The following CTNNA2 variants were observed in gnomAD, a reference collection of about 807,000 sequenced individuals.
CTNNA2 encodes catenin alpha 2.
A neutral mutation model predicts 101.0 loss-of-function variants in CTNNA2; 42 were observed. The ratio of observed to expected loss-of-function variants is 0.42; its 90% CI spans 0.32 to 0.54. CTNNA2 has a LOEUF of 0.54. Ranked by LOEUF, CTNNA2 falls within the 20% of genes least tolerant of loss-of-function variation. CTNNA2 has a pLI of 0.14. For synonymous variants in CTNNA2, 450 were observed against 456.4 expected, an observed-to-expected ratio of 0.99 and a Z score of 0.18; for missense variants, 871 against 1,223.1, an observed-to-expected ratio of 0.71 and a Z score of 4.29.
At chr2:80,544,094 C>T (rs1691823238) in intron 9 of CTNNA2, among the ~76,000 whole-genome samples, 1 of 152,090 alleles carries the variant, frequency 6.6e-6, no homozygotes, top group Non-Finnish European at 1.5e-5. Context: ...CAAGTTGACC[C>T]CCTTGACCTG....
chr2:79,374,231 T>C (rs1308221452), intron 4 of CTNNA2, among the ~76,000 whole-genome samples: 1 of 152,158 alleles, frequency 6.6e-6, no homozygotes, highest in East Asian at 1.9e-4. Flanking sequence ...GGAAGTCTAG[T>C]GCATAACAAT....
intron 9 of CTNNA2, among the ~76,000 whole-genome samples, chr2:80,450,038 C>A (rs1683375083): frequency 6.6e-6 from 1 of 152,160 alleles, no homozygotes; most frequent in Non-Finnish European, 1.5e-5. Flanking sequence ...CTCCTCTTCT[C>A]TTAATGCAAA....
intron 1 of CTNNA2, chr2:79,634,617 A>T (rs982938142): frequency 4.6e-5 from 7 of 152,260 alleles, no homozygotes; most frequent in African/African-American, 1.4e-4. Flanking sequence ...AGTCGAGGGA[A>T]GCATTATGTC....
At chr2:80,499,318 A>G (rs1029117456) in intron 9 of CTNNA2, among the ~76,000 whole-genome samples, 3 of 152,208 alleles carry the variant, frequency 2.0e-5, no homozygotes, top group African/African-American at 7.2e-5. Context: ...TCTATGCTGC[A>G]GTGAACTTAG....
intron 9 of CTNNA2, among the ~76,000 whole-genome samples, chr2:80,525,741 G>A (rs1689977499): frequency 6.6e-6 from 1 of 152,152 alleles, no homozygotes; most frequent in African/African-American, 2.4e-5. Flanking sequence ...TCTTAAGAGA[G>A]TGACTGTAAC....
At chr2:79,236,473 C>T (rs568420727) in intron 2 of CTNNA2, among the ~76,000 whole-genome samples, 5 of 152,120 alleles carry the variant, frequency 3.3e-5, no homozygotes, top group Non-Finnish European at 5.9e-5. Flanking sequence ...GCTTCAATGT[C>T]GATGGCTGCT....
intron 12 of CTNNA2, among the ~76,000 whole-genome samples, chr2:80,564,074 A>G (rs1299290621): frequency 2.0e-5 from 3 of 152,204 alleles, no homozygotes; most frequent in African/African-American, 7.2e-5. Flanking sequence ...ACATAATGAC[A>G]CAGTTACCTT....
chr2:79,649,695 G>A (rs551592393), intron 1 of CTNNA2, among the ~76,000 whole-genome samples: 1 of 152,284 alleles, frequency 6.6e-6, no homozygotes, highest in African/African-American at 2.4e-5. Flanking sequence ...GCATGTCGGT[G>A]CCAACTATTG....
At chr2:80,259,274 C>A (rs572496389) in intron 7 of CTNNA2, among the ~76,000 whole-genome samples, 1 of 152,262 alleles carries the variant, frequency 6.6e-6, no homozygotes, top group African/African-American at 2.4e-5. Flanking sequence ...ATTTATTCCA[C>A]TGTTCACTGA....
At position 79,211,669 on chromosome 2, in the gene CTNNA2, C is replaced by T. The variant is rs186986487; in HGVS notation, c.-406+13593C>T. Reference sequence around the variant, plus strand: ...TTTCATTTCTTTTGTGGTGGAATGTCATCAGTTAAGGCAGGAACCAGTCAT... The same window carrying T: ...TTTCATTTCTTTTGTGGTGGAATGTTATCAGTTAAGGCAGGAACCAGTCAT... On this transcript the variant is annotated intron_variant, in intron 2 of 21. Coordinates refer to the CTNNA2 transcript ENST00000466387. Among the ~76,000 whole-genome samples, 105 of 152,220 alleles carry T rather than the reference C, an allele frequency of 6.9e-4. 3 individuals are homozygous for T. In the East Asian group the frequency reaches 0.013, roughly 19 times the overall value.
intron 7 of CTNNA2, among the ~76,000 whole-genome samples, chr2:80,265,322 C>T (rs1011777087): frequency 2.3e-4 from 35 of 152,156 alleles, no homozygotes; most frequent in African/African-American, 7.7e-4. Context: ...ATTTGTGAAA[C>T]GTTTTTTGAG....
intron 2 of CTNNA2, among the ~76,000 whole-genome samples, chr2:79,295,710 G>C (rs909520570): frequency 9.9e-5 from 15 of 151,942 alleles, no homozygotes; most frequent in Non-Finnish European, 1.6e-4. Context: ...TTTGTGCCTT[G>C]AGAATATCAA....
chr2:80,144,863 G>T (rs1057109362), intron 7 of CTNNA2, among the ~76,000 whole-genome samples: 1 of 152,026 alleles, frequency 6.6e-6, no homozygotes, highest in African/African-American at 2.4e-5. Context: ...CTGACGTTTG[G>T]GGCTGAGTAA....
chr2:80,499,414 G>T (rs1002826567), intron 9 of CTNNA2, among the ~76,000 whole-genome samples: 7 of 151,950 alleles, frequency 4.6e-5, no homozygotes, highest in Admixed American at 3.3e-4. Context: ...GAGTTTATCA[G>T]TTCCTCTCTT....
At chr2:79,734,668 G>A (rs1670741193) in intron 2 of CTNNA2, among the ~76,000 whole-genome samples, 1 of 152,058 alleles carries the variant, frequency 6.6e-6, no homozygotes. Flanking sequence ...ACAAATAAGA[G>A]CCAGGATTGA....
intron 2 of CTNNA2, among the ~76,000 whole-genome samples, chr2:79,269,099 A>G (rs1015997139): frequency 2.0e-5 from 3 of 152,078 alleles, no homozygotes; most frequent in Non-Finnish European, 4.4e-5. Flanking sequence ...ACTGCTCAGA[A>G]CAGAAAGAAA....
chr2:79,642,355 A>C (rs1483081420), intron 1 of CTNNA2, among the ~76,000 whole-genome samples: 1 of 152,212 alleles, frequency 6.6e-6, no homozygotes, highest in Non-Finnish European at 1.5e-5. Context: ...TGCAAATAGC[A>C]AAAACTACTT....
chr2:80,414,141 C>A (rs1679833860), intron 8 of CTNNA2, among the ~76,000 whole-genome samples: 1 of 152,288 alleles, frequency 6.6e-6, no homozygotes, highest in African/African-American at 2.4e-5. Context: ...AGAAAGAAAG[C>A]TTTCATCCTG....
chr2:80,553,190 C>G (rs140773322), intron 11 of CTNNA2, among the ~76,000 whole-genome samples: 139 of 149,092 alleles, frequency 9.3e-4, no homozygotes, highest in South Asian at 1.9e-3. Context: ...CGTCACTGCA[C>G]TCCAGCCTGG....
Sources: gnomAD v4.1 joint callset for allele counts (sites outside exome capture counted in the v4.1 genomes callset) on GRCh38, gnomAD v4.1.1 for gene constraint, MANE v1.5 for transcripts, NCBI Gene and HGNC (gene_info 2026-07-23, HGNC 2026-07-21) for gene names.